The following PIP5K1C variants were observed in gnomAD, a reference collection of about 807,000 sequenced individuals.
PIP5K1C encodes phosphatidylinositol 4-phosphate 5-kinase type-1 gamma.
PIP5K1C carries 45 observed loss-of-function variants against 80.1 expected under a neutral mutation model. That is an observed-to-expected ratio of 0.56 (90% CI 0.44 to 0.72). The LOEUF is 0.72. Ranked by LOEUF, PIP5K1C falls within the 30% of genes least tolerant of loss-of-function variation. The probability of loss-of-function intolerance (pLI) is 0.00; values close to 1 mark genes in which losing one functional copy is unlikely to be tolerated. For synonymous variants in PIP5K1C, 498 were observed against 420.1 expected (o/e 1.19, Z -2.27); for missense variants, 753 against 954.6 (o/e 0.79, Z 2.78).
intron 1 of PIP5K1C, among the ~76,000 whole-genome samples, chr19:3,668,909 C>G (rs1476279460): frequency 2.6e-5 from 4 of 152,156 alleles, no homozygotes; most frequent in Non-Finnish European, 4.4e-5. Context: ...CCACGCTGCA[C>G]GGATAACAGC....
chr19:3,657,554 T>A (rs2034675523), intron 5 of PIP5K1C, among the ~76,000 whole-genome samples: 1 of 151,992 alleles, frequency 6.6e-6, no homozygotes, highest in Non-Finnish European at 1.5e-5. Context: ...GGTCTCCGAG[T>A]GCTGCGTGCC....
rs530832943 is a variant in PIP5K1C at position 3,637,332 on chromosome 19, G to A, written c.1920+1552C>T. On this transcript the variant is annotated intron_variant, in intron 16 of 17. Transcript: ENST00000335312. This position sits in a 1 kb window ranked among gnomAD's most constrained non-coding sequence, Gnocchi z 7.0. ...GGAGCGCCCGGTTCGACGTGGGACCGAATGACATTCCCAGTGACGCATGCA... is the reference window on the plus strand; with the variant it reads ...GGAGCGCCCGGTTCGACGTGGGACCAAATGACATTCCCAGTGACGCATGCA... 1.9e-5 allele frequency: 29 copies of A among 1,532,790 alleles called. No individual in the cohort carries two copies. Among genetic ancestry groups the A allele is most frequent in the East Asian group, 4.9e-5 (2 of 40,884 alleles). 94.9% of individuals were successfully genotyped at this position (1,532,790 alleles called of 1,614,324 possible).
intron 16 of PIP5K1C, chr19:3,636,721 G>A: frequency 4.1e-6 from 4 of 986,676 alleles, no homozygotes; most frequent in Non-Finnish European, 4.8e-6. Flanking sequence ...GGCACACAGA[G>A]GTGCTCGGAG....
intron 1 of PIP5K1C, among the ~76,000 whole-genome samples, chr19:3,680,169 G>A (rs929022198): frequency 2.6e-5 from 4 of 152,214 alleles, no homozygotes; most frequent in Non-Finnish European, 5.9e-5. Flanking sequence ...AATGGTGTCA[G>A]GTGATTGTCT....
At chr19:3,672,913 G>T (rs2145537560) in intron 1 of PIP5K1C, among the ~76,000 whole-genome samples, 1 of 150,688 alleles carries the variant, frequency 6.6e-6, no homozygotes, top group Non-Finnish European at 1.5e-5. Flanking sequence ...GGGGAGAGTG[G>T]GCAGGGCCCT....
chr19:3,680,440 G>A (rs60822063), intron 1 of PIP5K1C, among the ~76,000 whole-genome samples: 1 of 152,114 alleles, frequency 6.6e-6, no homozygotes, highest in Admixed American at 6.5e-5. Context: ...GAGTAGCTGG[G>A]ATTAAAGGGA....
chr19:3,633,307 G>A (rs755819442), intron 17 of PIP5K1C, 130 bp downstream of exon 17: 2 of 687,992 alleles, frequency 2.9e-6, no homozygotes, highest in South Asian at 1.9e-5. Context: ...GAGAGCCCAG[G>A]GTGGAGCTCT....
chr19:3,646,096 G>A (rs565269656), intron 10 of PIP5K1C, 38 bp from the exon 11 acceptor site: 86 of 1,346,984 alleles, frequency 6.4e-5, no homozygotes, highest in Non-Finnish European at 8.7e-5. Flanking sequence ...GGGGCAGAGG[G>A]TGCATCAATC....
chr19:3,648,972 A>ACACACACATG lies in PIP5K1C; in HGVS notation c.1128-274_1128-265dup, dbSNP rs937460752. On this transcript the variant is annotated intron_variant, in intron 8 of 17. Transcript: ENST00000335312. The surrounding 1 kb of genome is among the most constrained non-coding windows in gnomAD (Gnocchi z 4.3). Reference sequence around the variant, plus strand: ...ACCCCCTACACACACGTGTGCCTGGACACACACATGCACACACACGCACAC... The same window carrying ACACACACATG: ...ACCCCCTACACACACGTGTGCCTGGACACACACATGCACACACATGCACACACACGCACAC... Among the ~76,000 whole-genome samples, 7 of 152,122 alleles carry ACACACACATG rather than the reference A, an allele frequency of 4.6e-5. No homozygotes were observed.
chr19:3,683,935 C>G (rs553206744), intron 1 of PIP5K1C, among the ~76,000 whole-genome samples: 13 of 147,112 alleles, frequency 8.8e-5, no homozygotes, highest in African/African-American at 3.0e-4. Flanking sequence ...ACACCCCCCC[C>G]ACGCTGGAGC....
intron 1 of PIP5K1C, chr19:3,672,573 G>A (rs898395395): frequency 1.3e-5 from 2 of 152,528 alleles, no homozygotes; most frequent in African/African-American, 4.8e-5. Flanking sequence ...TAAACTGGGG[G>A]AGGAGGCAGA....
chr19:3,663,794 G>A (rs937327251), intron 3 of PIP5K1C, among the ~76,000 whole-genome samples: 4 of 152,214 alleles, frequency 2.6e-5, no homozygotes, highest in African/African-American at 9.6e-5. Flanking sequence ...AAACGGTACC[G>A]CTGCTATGGA....
Position 3,637,295 on chromosome 19 carries a change from G to C in PIP5K1C, c.1920+1589C>G. 1 of 1,502,888 alleles carries C rather than the reference G, an allele frequency of 6.7e-7. No homozygotes were observed. Among genetic ancestry groups the C allele is most frequent in the Non-Finnish European group, 8.9e-7 (1 of 1,129,106 alleles). 93.1% of individuals were successfully genotyped at this position (1,502,888 alleles called of 1,614,324 possible). ...GGCCTCAGCTGTGCACCTGGTGATGGTGCTGCCCTATGGAGCGCCCGGTTC... is the reference window on the plus strand; with the variant it reads ...GGCCTCAGCTGTGCACCTGGTGATGCTGCTGCCCTATGGAGCGCCCGGTTC... On this transcript the variant is annotated intron_variant, in intron 16 of 17. Coordinates refer to ENST00000335312, the MANE Select transcript of PIP5K1C (RefSeq NM_012398.3). This position sits in a 1 kb window ranked among gnomAD's most constrained non-coding sequence, Gnocchi z 7.0.
rs567093549 is a variant in PIP5K1C, at chr19:3,659,727, G to T, written c.468+1239C>A. On this transcript the variant is annotated intron_variant, in intron 5 of 17. Coordinates refer to ENST00000335312, the MANE Select transcript of PIP5K1C (RefSeq NM_012398.3). Reference sequence around the variant, plus strand: ...GGCTGGAGTTCTCGGGGCGGGGGAGGGGGGGGTGTCACACGTACCCCTGGC... The same window carrying T: ...GGCTGGAGTTCTCGGGGCGGGGGAGTGGGGGGTGTCACACGTACCCCTGGC... 5.4e-4 allele frequency among the ~76,000 whole-genome samples: 82 copies of T among 150,788 alleles called. No homozygotes were observed. In the Middle Eastern group the frequency reaches 0.031, roughly 57 times the overall value.
chr19:3,636,887 C>T (rs2033710145), intron 16 of PIP5K1C: 1 of 999,076 alleles, frequency 1.0e-6, no homozygotes, highest in Non-Finnish European at 1.2e-6. Flanking sequence ...ATAATGACAA[C>T]AGCAGGCCCT....
At chr19:3,677,997 GGATGGACA>G (rs2035431840) in intron 1 of PIP5K1C, among the ~76,000 whole-genome samples, 1 of 98,262 alleles carries the variant, frequency 1.0e-5, no homozygotes, top group African/African-American at 4.5e-5. Context: ...GAGGATGGAG[GGATGGACA>G]GATGGAGGGA....
Position 3,630,296 on chromosome 19 carries a change from G to A in PIP5K1C, c.*2871C>T, listed in dbSNP as rs1161855078. The A allele has an allele frequency of 6.6e-6, 1 of 152,406 alleles. No homozygotes were observed. The highest frequency in any genetic ancestry group is 1.9e-4 in the East Asian group (1 of 5,182). The allele number at this position is 152,406 out of a possible 1,614,324, so 9.4% of individuals were successfully genotyped here. The stretch of plus-strand genomic sequence containing the variant: ...GTTTGGGGCCAGGAGTGGCTGTATG[G>A]TTTCAGAGGCGCCCACCACTCTGGG... On this transcript the variant is annotated 3_prime_UTR_variant, in exon 18 of 18. Coordinates refer to ENST00000335312, the MANE Select transcript of PIP5K1C (RefSeq NM_012398.3).
chr19:3,664,986 C>A, intron 2 of PIP5K1C, 72 bp from the exon 3 acceptor site: 2 of 1,275,304 alleles, frequency 1.6e-6, no homozygotes, highest in South Asian at 2.4e-5. Flanking sequence ...GCTCTGAAAC[C>A]CTGGGAAGAA....
At chr19:3,674,589 G>A (rs544237924) in intron 1 of PIP5K1C, among the ~76,000 whole-genome samples, 13 of 151,866 alleles carry the variant, frequency 8.6e-5, no homozygotes, top group Admixed American at 5.3e-4. Context: ...TACAGCCTCC[G>A]CCTCCCGGGT....
Sources: gnomAD v4.1 joint callset for allele counts (sites outside exome capture counted in the v4.1 genomes callset) on GRCh38, gnomAD v4.1.1 for gene constraint, Gnocchi (gnomAD v3.1) non-coding constraint, MANE v1.5 for transcripts, NCBI Gene and HGNC (gene_info 2026-07-23, HGNC 2026-07-21) for gene names.